Variants in B4GALT6 observed in about 807,000 individuals in gnomAD.
B4GALT6 encodes UDP-Gal:beta-GlcNAc beta-1,4-galactosyltransferase 6.
A neutral mutation model predicts 46.3 loss-of-function variants in B4GALT6; 14 were observed. That is an observed-to-expected ratio of 0.30 (90% CI 0.20 to 0.47). The LOEUF is 0.47. B4GALT6 is among the 20% of genes least tolerant of loss of function. B4GALT6 has a pLI of 0.99. For synonymous variants in B4GALT6, 168 were observed against 162.0 expected, an observed-to-expected ratio of 1.04 and a Z score of -0.28; for missense variants, 386 against 480.1, an observed-to-expected ratio of 0.80 and a Z score of 1.83.
chr18:31,636,904 C>T (rs140962341), intron 5 of B4GALT6, among the ~76,000 whole-genome samples: 5 of 152,374 alleles, frequency 3.3e-5, no homozygotes, highest in African/African-American at 1.2e-4. Context: ...TCACTGCAAC[C>T]TCCATCTCCC....
chr18:31,665,917 A>T (rs143605044), intron 2 of B4GALT6, among the ~76,000 whole-genome samples: 1 of 152,332 alleles, frequency 6.6e-6, no homozygotes, highest in Admixed American at 6.5e-5. Context: ...ACATAAAGAG[A>T]GATGGTAGTA....
intron 5 of B4GALT6, among the ~76,000 whole-genome samples, chr18:31,637,377 C>T (rs2073872268): frequency 6.8e-6 from 1 of 147,098 alleles, no homozygotes; most frequent in African/African-American, 2.5e-5. Flanking sequence ...TTTAGTCTTC[C>T]ATGCAATGTA....
rs1030949597 is a variant in B4GALT6 at position 31,660,318 on chromosome 18, A to T, written c.233-2229T>A. On this transcript the variant is annotated intron_variant, in intron 2 of 8. Transcript: ENST00000306851. Reference sequence around the variant, plus strand: ...TTTTTTTCTTTTTGTTTTTGTTTTTAAAAAAAGGGCTTCTCTCTCTATGGG... The same window carrying T: ...TTTTTTTCTTTTTGTTTTTGTTTTTTAAAAAAGGGCTTCTCTCTCTATGGG... 4.0e-5 allele frequency among the ~76,000 whole-genome samples: 6 copies of T among 151,894 alleles called. 2 individuals are homozygous for T. The South Asian group carries it at 8.3e-4, about 21-fold the overall frequency.
rs546210021 is a variant in B4GALT6, at chr18:31,626,543, C to T, written c.900-159G>A. 4.6e-4 allele frequency among the ~76,000 whole-genome samples: 70 copies of T among 152,312 alleles called. No homozygotes were observed. The South Asian group carries it at 0.01, about 22-fold the overall frequency. ...GTCCATGGCCTGTTAAAAACTGGGC[C>T]GCACAGCAGGAGGTGAGCGATCATT... On this transcript the variant is annotated intron_variant, in intron 7 of 8. Transcript: ENST00000306851.
chr18:31,648,402 G>T (rs2074018816), intron 3 of B4GALT6, among the ~76,000 whole-genome samples: 3 of 152,284 alleles, frequency 2.0e-5, no homozygotes, highest in Admixed American at 1.3e-4. Context: ...GGTTAGAAAG[G>T]AAAGAGCAGG....
intron 3 of B4GALT6, among the ~76,000 whole-genome samples, chr18:31,656,114 C>A (rs1216717197): frequency 2.0e-5 from 3 of 152,016 alleles, no homozygotes; most frequent in African/African-American, 7.2e-5. Flanking sequence ...TCTGATGTAC[C>A]CCCAAGACTG....
intron 4 of B4GALT6, among the ~76,000 whole-genome samples, chr18:31,640,286 C>G (rs1304475739): frequency 2.0e-5 from 3 of 152,042 alleles, no homozygotes; most frequent in Admixed American, 6.6e-5. Flanking sequence ...ATTGAGAATA[C>G]TTAAGTTTTG....
chr18:31,658,288 A>C (rs1260716530), intron 2 of B4GALT6, 199 bp from the exon 3 acceptor site: 5 of 483,742 alleles, frequency 1.0e-5, no homozygotes, highest in Admixed American at 3.3e-5. Context: ...CCCAAGAGAC[A>C]TCTAGAGAGC....
chr18:31,666,419 T>A, intron 1 of B4GALT6, 47 bp from the exon 2 acceptor site: 1 of 883,670 alleles, frequency 1.1e-6, no homozygotes, highest in Non-Finnish European at 1.7e-6. Context: ...AGTAAGCTTT[T>A]TTTTATTTAA....
At chr18:31,706,600 C>T in the B4GALT6 span, among the ~76,000 whole-genome samples, 1 of 152,048 alleles carries the variant, frequency 6.6e-6, no homozygotes, top group Non-Finnish European at 1.5e-5. Flanking sequence ...CACTGCACTC[C>T]TCCAGCCTGG....
At chr18:31,675,770 T>A (rs151173230) in intron 1 of B4GALT6, among the ~76,000 whole-genome samples, 7 of 152,194 alleles carry the variant, frequency 4.6e-5, no homozygotes, top group Admixed American at 1.3e-4. Flanking sequence ...AAGCCATAAA[T>A]AAGCAGGCCC....
chr18:31,658,433 T>C (rs973238607), intron 2 of B4GALT6: 3 of 192,374 alleles, frequency 1.6e-5, no homozygotes, highest in African/African-American at 6.9e-5. Flanking sequence ...CCCTCCACTA[T>C]GGCACAGCCA....
At chr18:31,668,420 C>A (rs1253469178) in intron 1 of B4GALT6, among the ~76,000 whole-genome samples, 1 of 152,088 alleles carries the variant, frequency 6.6e-6, no homozygotes, top group East Asian at 1.9e-4. Context: ...ATGCAATATA[C>A]CCATGTAACA....
chr18:31,707,436 C>A, the B4GALT6 span, among the ~76,000 whole-genome samples: 1 of 151,964 alleles, frequency 6.6e-6, no homozygotes, highest in East Asian at 1.9e-4. Flanking sequence ...GTCAACTGAT[C>A]TCATTACGAG....
chr18:31,629,164 A>C lies in B4GALT6; in HGVS notation c.776+1795T>G, dbSNP rs145990636. Among the ~76,000 whole-genome samples, 22 of 152,270 alleles carry C rather than the reference A, an allele frequency of 1.4e-4. No homozygotes were observed. The East Asian group carries it at 2.7e-3, about 19-fold the overall frequency. On this transcript the variant is annotated intron_variant, in intron 6 of 8. Transcript: ENST00000306851. ...GGTATACAATACATATAACATACAA[A>C]ATATGTGTTACTCAATTGTTTATAT...
chr18:31,640,637 G>C (rs9950458), intron 4 of B4GALT6, among the ~76,000 whole-genome samples: 55,739 of 152,008 alleles, frequency 0.37, 10,349 homozygotes, highest in Middle Eastern at 0.49. Flanking sequence ...GCCCAACTTT[G>C]GGTCCCATTC....
At chr18:31,699,250 C>CAATA in the B4GALT6 span, among the ~76,000 whole-genome samples, 1 of 147,532 alleles carries the variant, frequency 6.8e-6, no homozygotes, top group African/African-American at 2.5e-5. Context: ...AGAATAAAGG[C>CAATA]AATAGACAGA....
At chr18:31,710,700 T>C in the B4GALT6 span, among the ~76,000 whole-genome samples, 1 of 152,182 alleles carries the variant, frequency 6.6e-6, no homozygotes, top group East Asian at 1.9e-4. Context: ...AATAAATTTC[T>C]GTTTTAAACC....
chr18:31,635,542 A>C (rs1319381554), intron 5 of B4GALT6, among the ~76,000 whole-genome samples: 1 of 152,238 alleles, frequency 6.6e-6, no homozygotes, highest in African/African-American at 2.4e-5. Context: ...GAGAAAAAGC[A>C]GAGGTAAAAA....
Sources: allele counts gnomAD v4.1 joint callset (sites outside exome capture counted in the v4.1 genomes callset), GRCh38; gene constraint gnomAD v4.1.1; transcripts MANE v1.5; gene names NCBI Gene and HGNC (gene_info 2026-07-23, HGNC 2026-07-21).